Variants in DENND1A observed in about 807,000 individuals in gnomAD.
The protein encoded by DENND1A is DENN domain containing 1A, also known as DENN domain-containing protein 1A.
DENND1A carries 51 observed loss-of-function variants against 113.7 expected under a neutral mutation model. The observed-to-expected ratio is 0.45, with a 90% CI of 0.36 to 0.57. The LOEUF is 0.57. Among genes scored for constraint, DENND1A ranks in the 20% least tolerant of loss-of-function variants. The probability of loss-of-function intolerance (pLI) is 0.00; values close to 1 mark genes in which losing one functional copy is unlikely to be tolerated. For missense variants in DENND1A, 1,258 were observed against 1,395.9 expected, an observed-to-expected ratio of 0.90 and a Z score of 1.57; for synonymous variants, 565 against 570.8, an observed-to-expected ratio of 0.99 and a Z score of 0.14.
At chr9:123,548,896 C>T (rs2056873065) in intron 13 of DENND1A, among the ~76,000 whole-genome samples, 1 of 152,076 alleles carries the variant, frequency 6.6e-6, no homozygotes. Flanking sequence ...CTAGAGGTTA[C>T]TAAGGGCTGG....
At chr9:123,457,740 G>T in intron 14 of DENND1A, 53 bp downstream of exon 14, 1 of 1,514,350 alleles carries the variant, frequency 6.6e-7, no homozygotes, top group Non-Finnish European at 9.0e-7. Flanking sequence ...GGAGACAGCT[G>T]CAGAAATCCC....
At chr9:123,517,046 A>T (rs1206823837) in intron 13 of DENND1A, among the ~76,000 whole-genome samples, 1 of 151,852 alleles carries the variant, frequency 6.6e-6, no homozygotes, top group East Asian at 1.9e-4. Flanking sequence ...AAACTCTAAA[A>T]TTCAATGAAT....
intron 1 of DENND1A, chr9:123,928,917 C>T (rs1272474627): frequency 1.0e-6 from 1 of 984,914 alleles, no homozygotes; most frequent in African/African-American, 1.7e-5. Flanking sequence ...GTCAACTTTG[C>T]TTTTTAATGC....
chr9:123,664,730 TTTAA>T (rs2063411530), intron 8 of DENND1A, among the ~76,000 whole-genome samples: 1 of 152,210 alleles, frequency 6.6e-6, no homozygotes, highest in Admixed American at 6.5e-5. Flanking sequence ...TTTTTAAACC[TTTAA>T]TTAATTTATT....
intron 1 of DENND1A, among the ~76,000 whole-genome samples, chr9:123,885,043 T>TCACACA (rs142957264): frequency 1.3e-5 from 2 of 148,450 alleles, no homozygotes; most frequent in African/African-American, 5.0e-5. Flanking sequence ...ACTCTCTCTC[T>TCACACA]CACACACACA....
At chr9:123,720,320 C>T (rs534988945) in intron 5 of DENND1A, among the ~76,000 whole-genome samples, 22 of 151,924 alleles carry the variant, frequency 1.4e-4, no homozygotes, top group East Asian at 3.9e-4. Flanking sequence ...GCCAGGGCTC[C>T]GAGGGAAAAT....
intron 4 of DENND1A, among the ~76,000 whole-genome samples, chr9:123,762,280 C>T (rs369517724): frequency 6.6e-6 from 1 of 152,182 alleles, no homozygotes; most frequent in East Asian, 1.9e-4. Flanking sequence ...AGACCAGGGC[C>T]AAGACCAGCC....
chr9:123,483,706 G>C (rs756113550), intron 13 of DENND1A, among the ~76,000 whole-genome samples: 24 of 152,374 alleles, frequency 1.6e-4, no homozygotes, highest in Non-Finnish European at 2.5e-4. Flanking sequence ...TCCTGGCTCT[G>C]TCGCTCATTA....
At chr9:123,535,085 A>G (rs2055633656) in intron 13 of DENND1A, among the ~76,000 whole-genome samples, 1 of 152,086 alleles carries the variant, frequency 6.6e-6, no homozygotes, top group Admixed American at 6.6e-5. Flanking sequence ...ATAACACCCC[A>G]AATCTGACCA....
At chr9:123,618,737 A>C in intron 10 of DENND1A, among the ~76,000 whole-genome samples, 1 of 152,180 alleles carries the variant, frequency 6.6e-6, no homozygotes, top group East Asian at 1.9e-4. Flanking sequence ...TGTCTTCTTT[A>C]ACCCTGAAAG....
intron 5 of DENND1A, among the ~76,000 whole-genome samples, chr9:123,741,164 C>T (rs1295616875): frequency 6.6e-6 from 1 of 152,192 alleles, no homozygotes; most frequent in East Asian, 1.9e-4. Flanking sequence ...TCACACATGC[C>T]TGGCTGAAAT....
At chr9:123,621,974 AG>A (rs2060986806) in intron 10 of DENND1A, among the ~76,000 whole-genome samples, 1 of 152,236 alleles carries the variant, frequency 6.6e-6, no homozygotes, top group Non-Finnish European at 1.5e-5. Flanking sequence ...CCCTACATAC[AG>A]CACACAAAGG....
chr9:123,826,931 C>T (rs1000887181), intron 2 of DENND1A, among the ~76,000 whole-genome samples: 7 of 152,206 alleles, frequency 4.6e-5, no homozygotes, highest in African/African-American at 1.7e-4. Context: ...TAATGTAAAC[C>T]TAACTTAAAG....
chr9:123,844,914 T>C lies in DENND1A; in HGVS notation c.88+34037A>G, dbSNP rs1442999789. Among the ~76,000 whole-genome samples the C allele has an allele frequency of 5.3e-5, 8 of 152,228 alleles. No individual in the cohort carries two copies. The East Asian group carries it at 5.8e-4, about 11-fold the overall frequency. On this transcript the variant is annotated intron_variant, in intron 2 of 23. Transcript: ENST00000394215. Reference sequence around the variant, plus strand: ...AAATATTTGCAATTGTCAATTACAATTGTCAATTAATTTTCAACAAGGGGC... The same window carrying C: ...AAATATTTGCAATTGTCAATTACAACTGTCAATTAATTTTCAACAAGGGGC...
At chr9:123,855,381 A>C (rs1370370777) in intron 2 of DENND1A, among the ~76,000 whole-genome samples, 1 of 151,928 alleles carries the variant, frequency 6.6e-6, no homozygotes, top group Non-Finnish European at 1.5e-5. Context: ...GGCCTCCTAA[A>C]AGAGGTGGCA....
chr9:123,796,756 TACACACACAC>T (rs370185315), intron 2 of DENND1A, among the ~76,000 whole-genome samples: 212 of 141,600 alleles, frequency 1.5e-3, no homozygotes, highest in African/African-American at 4.9e-3. Context: ...TATGTGTACA[TACACACACAC>T]ACACACACAC....
At chr9:123,896,767 C>T (rs1850821024) in intron 1 of DENND1A, among the ~76,000 whole-genome samples, 1 of 151,890 alleles carries the variant, frequency 6.6e-6, no homozygotes, top group South Asian at 2.1e-4. Context: ...AAAGATACAA[C>T]CAGGGAGAGA....
At chr9:123,909,262 T>C (rs1032756163) in intron 1 of DENND1A, among the ~76,000 whole-genome samples, 4 of 152,014 alleles carry the variant, frequency 2.6e-5, no homozygotes, top group African/African-American at 4.8e-5. Flanking sequence ...GATGAGTTAG[T>C]GGGTGCAGCG....
At chr9:123,926,394 C>A (rs1857096021) in intron 1 of DENND1A, among the ~76,000 whole-genome samples, 1 of 151,940 alleles carries the variant, frequency 6.6e-6, no homozygotes, top group Non-Finnish European at 1.5e-5. Flanking sequence ...ACGGGAGAAA[C>A]CCGTCTCTAC....
Sources: gnomAD v4.1 joint callset for allele counts (sites outside exome capture counted in the v4.1 genomes callset) on GRCh38, gnomAD v4.1.1 for gene constraint, MANE v1.5 for transcripts, NCBI Gene and HGNC (gene_info 2026-07-23, HGNC 2026-07-21) for gene names.